Variants in MGRN1 observed in about 807,000 individuals in gnomAD.
The protein encoded by MGRN1 is mahogunin ring finger 1.
Under a neutral mutation model 69.2 loss-of-function variants are expected in MGRN1, and 29 were observed. The observed-to-expected ratio is 0.42, with a 90% CI of 0.31 to 0.57. MGRN1 has a LOEUF of 0.57. MGRN1 is among the 20% of genes least tolerant of loss of function. The pLI is 0.15. For missense variants in MGRN1, 998 were observed against 796.2 expected (o/e 1.25, Z -3.05); for synonymous variants, 470 against 344.2 (o/e 1.37, Z -4.04).
chr16:4,665,693 G>C (rs528127825), intron 7 of MGRN1, among the ~76,000 whole-genome samples: 1 of 140,662 alleles, frequency 7.1e-6, no homozygotes. Flanking sequence ...TTTTTGAGGC[G>C]GAGTCTCACC....
chr16:4,676,702 T>C (rs2079060567), intron 10 of MGRN1, among the ~76,000 whole-genome samples: 1 of 152,144 alleles, frequency 6.6e-6, no homozygotes. Flanking sequence ...CACACGTCAC[T>C]AAAGGTGTCT....
Position 4,682,847 on chromosome 16 carries a change from C to A in MGRN1, c.1383C>A (p.Pro461=). ...GCACCCTACGGTCCCCGTCTTCCCC[C>A]ATCCACGAAGAGGATGAGGAGAAGC... The part of the protein sequence containing the change: ...PDSTLRSPSS[P]IHEEDEEKLS... Residue 461 remains proline, a synonymous_variant, in exon 14 of 17, where the codon CCC becomes CCA. Coordinates refer to ENST00000262370, the MANE Select transcript of MGRN1 (RefSeq NM_015246.4). 2 of 1,603,230 alleles carry A rather than the reference C, an allele frequency of 1.2e-6. No individual in the cohort carries two copies. Among genetic ancestry groups the A allele is most frequent in the Non-Finnish European group, 1.7e-6 (2 of 1,172,216 alleles).
intron 16 of MGRN1, chr16:4,686,531 C>T (rs528008606): frequency 1.2e-5 from 17 of 1,376,824 alleles, no homozygotes; most frequent in East Asian, 5.5e-5. Flanking sequence ...AGAGGTCTCT[C>T]CATCTGGACT....
intron 1 of MGRN1, among the ~76,000 whole-genome samples, chr16:4,646,563 C>T (rs1381522735): frequency 2.0e-5 from 3 of 152,136 alleles, no homozygotes; most frequent in African/African-American, 2.4e-5. Context: ...CGGGACCTCT[C>T]CATGGGGCTG....
At chr16:4,668,354 C>T (rs1359845553) in intron 8 of MGRN1, 42 bp downstream of exon 8, 1 of 1,599,120 alleles carries the variant, frequency 6.3e-7, no homozygotes, top group South Asian at 1.1e-5. Context: ...AATTAAAAGA[C>T]ACACATATAC....
At chr16:4,672,632 A>G (rs1184371936) in intron 9 of MGRN1, 4 of 358,420 alleles carry the variant, frequency 1.1e-5, no homozygotes, top group African/African-American at 6.4e-5. Context: ...CCACGCTGCC[A>G]TTACAACAGG....
intron 12 of MGRN1, 96 bp from the exon 13 acceptor site, chr16:4,681,454 C>A (rs2079180477): frequency 2.4e-6 from 3 of 1,231,660 alleles, no homozygotes; most frequent in Non-Finnish European, 3.4e-6. Flanking sequence ...GTCTCAATCC[C>A]CCAAAGAACA....
intron 1 of MGRN1, among the ~76,000 whole-genome samples, chr16:4,630,760 A>G (rs841175): frequency 0.17 from 25,102 of 143,858 alleles, 2,256 homozygotes; most frequent in Middle Eastern, 0.31. Flanking sequence ...TAGAAGTTTT[A>G]TAGTTTTAGC....
chr16:4,646,173 G>A (rs971467606), intron 1 of MGRN1, among the ~76,000 whole-genome samples: 4 of 152,264 alleles, frequency 2.6e-5, no homozygotes, highest in Admixed American at 6.5e-5. Flanking sequence ...GCTCACGCCT[G>A]TAATCCCAGC....
intron 1 of MGRN1, among the ~76,000 whole-genome samples, chr16:4,642,998 C>G (rs76123617): frequency 1.3e-5 from 2 of 151,958 alleles, no homozygotes; most frequent in Admixed American, 1.3e-4. Context: ...CTCTGTCACC[C>G]AGGCTAGAGT....
rs376313526 is a variant in MGRN1 at position 4,652,734 on chromosome 16, A to G, written c.353A>G (p.Tyr118Cys). 7.4e-6 allele frequency: 12 copies of G among 1,612,818 alleles called. No homozygotes were observed. The South Asian group carries it at 9.9e-5, about 13-fold the overall frequency. Residue 118 changes from tyrosine to cysteine, a missense_variant, in exon 4 of 17, where the codon TAC becomes TGC. Physicochemically the swap from Tyr to Cys is radical, Grantham distance 194. Transcript: ENST00000262370. Reference sequence around the variant, plus strand: ...GACGGCGACAAGCCCCGGGTGCTCTACAGCCTGGAGTTCACCTTCGACGCC... The same window carrying G: ...GACGGCGACAAGCCCCGGGTGCTCTGCAGCCTGGAGTTCACCTTCGACGCC... ...TEDGDKPRVL[Y>C]SLEFTFDADA... is the part of the protein sequence containing the mutation.
rs1447424659 is a variant in MGRN1, at chr16:4,683,111, C to T, written c.1483-113C>T. On this transcript the variant is annotated intron_variant, in intron 14 of 16. Coordinates refer to ENST00000262370, the MANE Select transcript of MGRN1 (RefSeq NM_015246.4). Reference sequence around the variant, plus strand: ...TAGCCTCGGTCTGTGGAGGCAGCACCCCCTGGTGGAGCGGCTGTGCGGTCC... The same window carrying T: ...TAGCCTCGGTCTGTGGAGGCAGCACTCCCTGGTGGAGCGGCTGTGCGGTCC... 7.9e-6 allele frequency: 12 copies of T among 1,522,472 alleles called. No individual in the cohort carries two copies. The African/African-American group carries it at 8.2e-5, about 10-fold the overall frequency. The allele number at this position is 1,522,472 out of a possible 1,614,324, so 94.3% of individuals were successfully genotyped here. A position where few individuals can be genotyped will look rare whatever the true frequency, so the allele number is the denominator to read the frequency against.
chr16:4,685,161 A>C (rs2079280361), intron 16 of MGRN1, among the ~76,000 whole-genome samples: 1 of 152,246 alleles, frequency 6.6e-6, no homozygotes, highest in African/African-American at 2.4e-5. Flanking sequence ...AATTCGAGTA[A>C]GGTCTTTCAG....
At chr16:4,628,341 A>C (rs1451904248) in intron 1 of MGRN1, among the ~76,000 whole-genome samples, 1 of 146,552 alleles carries the variant, frequency 6.8e-6, no homozygotes, top group African/African-American at 2.5e-5. Flanking sequence ...AGCCGAGATC[A>C]CGCCATTGCA....
At chr16:4,673,477 C>G (rs377337743) in intron 9 of MGRN1, 21 bp from the exon 10 acceptor site, 1 of 1,608,474 alleles carries the variant, frequency 6.2e-7, no homozygotes, top group East Asian at 2.2e-5. Context: ...GCTGCTGACC[C>G]ACAAGCCCTT....
rs779781961 is a variant in MGRN1, at chr16:4,690,288, G to C, written c.*1380G>C. On this transcript the variant is annotated 3_prime_UTR_variant, in exon 17 of 17. Coordinates refer to ENST00000262370, the MANE Select transcript of MGRN1 (RefSeq NM_015246.4). The stretch of plus-strand genomic sequence containing the variant: ...GGGAGTGCCTGGGCCTGGTGACCCA[G>C]GGCTGGATCCACCCCTGCGGAGCCC... The C allele has an allele frequency of 6.6e-6, 1 of 152,100 alleles. No homozygotes were observed. Among genetic ancestry groups the C allele is most frequent in the Non-Finnish European group, 1.5e-5 (1 of 68,020 alleles). 9.4% of individuals were successfully genotyped at this position (152,100 alleles called of 1,614,324 possible). A position where few individuals can be genotyped will look rare whatever the true frequency, so the allele number is the denominator to read the frequency against.
intron 1 of MGRN1, among the ~76,000 whole-genome samples, chr16:4,641,155 A>G (rs2078147587): frequency 6.6e-6 from 1 of 152,140 alleles, no homozygotes; most frequent in African/African-American, 2.4e-5. Context: ...GCTGGTGCAC[A>G]TACAAATGTA....
Position 4,680,069 on chromosome 16 carries a change from T to G in MGRN1, c.1103T>G (p.Leu368Arg), listed in dbSNP as rs1596314891. ...AAATCAAAGCCGCACCCCGCCTCCC[T>G]GGCCAGCAAGAAACCTAAAAGGGAA... Reference protein sequence around the residue: ...FKKSKPHPASLASKKPKRETN... With the variant: ...FKKSKPHPASRASKKPKRETN... Residue 368 changes from leucine to arginine, a missense_variant, in exon 12 of 17, where the codon CTG becomes CGG. Transcript: ENST00000262370. The G allele has an allele frequency of 1.2e-6, 2 of 1,614,004 alleles. No individual in the cohort carries two copies. The highest frequency in any genetic ancestry group is 1.7e-6 in the Non-Finnish European group (2 of 1,179,972).
At chr16:4,659,993 G>C (rs566457423) in intron 5 of MGRN1, among the ~76,000 whole-genome samples, 2 of 152,170 alleles carry the variant, frequency 1.3e-5, no homozygotes, top group Non-Finnish European at 2.9e-5. Context: ...GGGGCCTCCC[G>C]TCCTGCAGCC....
Sources: gnomAD v4.1 joint callset for allele counts (sites outside exome capture counted in the v4.1 genomes callset) on GRCh38, gnomAD v4.1.1 for gene constraint, MANE v1.5 for transcripts, NCBI Gene and HGNC (gene_info 2026-07-23, HGNC 2026-07-21) for gene names.